Variants in WDR47 observed in about 807,000 individuals in gnomAD.
WDR47 encodes WD repeat domain 47, also known as WD repeat-containing protein 47.
A neutral mutation model predicts 97.2 loss-of-function variants in WDR47; 32 were observed. The observed-to-expected ratio is 0.33, with a 90% CI of 0.25 to 0.44. WDR47 has a LOEUF of 0.44. Ranked by LOEUF, WDR47 falls within the 20% of genes least tolerant of loss-of-function variation. WDR47 has a pLI of 1.00. For synonymous variants in WDR47, 375 were observed against 373.5 expected (o/e 1.00, Z -0.05); for missense variants, 782 against 1,102.3 (o/e 0.71, Z 4.11).
intron 9 of WDR47, among the ~76,000 whole-genome samples, chr1:108,989,798 G>C (rs990548881): frequency 1.3e-5 from 2 of 151,736 alleles, no homozygotes; most frequent in Non-Finnish European, 2.9e-5. Context: ...AGGTTCAAGC[G>C]ATTCTCCTGC....
intron 4 of WDR47, 112 bp downstream of exon 4, chr1:109,013,729 C>T: frequency 9.2e-7 from 1 of 1,087,460 alleles, no homozygotes; most frequent in Non-Finnish European, 1.4e-6. Context: ...TGCCCCATCC[C>T]AGCTCATAAA....
At chr1:108,972,386 ACT>A in intron 14 of WDR47, among the ~76,000 whole-genome samples, 1 of 151,500 alleles carries the variant, frequency 6.6e-6, no homozygotes, top group East Asian at 1.9e-4. Context: ...CTTACAATCT[ACT>A]CTCCCTACAG....
intron 4 of WDR47, 24 bp from the exon 5 acceptor site, chr1:109,011,742 A>G (rs1449500404): frequency 1.3e-6 from 2 of 1,547,854 alleles, no homozygotes; most frequent in Admixed American, 4.2e-5. Context: ...ATAAATGATC[A>G]AATAATCACT....
intron 8 of WDR47, chr1:108,992,207 G>C (rs1479542058): frequency 2.6e-6 from 2 of 771,160 alleles, no homozygotes; most frequent in Non-Finnish European, 4.7e-6. Flanking sequence ...TAGATAATAA[G>C]AAAGACCTCT....
intron 10 of WDR47, among the ~76,000 whole-genome samples, chr1:108,984,508 T>C (rs530884452): frequency 6.6e-6 from 1 of 152,174 alleles, no homozygotes; most frequent in Admixed American, 6.5e-5. Flanking sequence ...TTTTGAGTCT[T>C]TGAAAATGTT....
At chr1:109,029,635 G>A (rs1408836423) in intron 1 of WDR47, among the ~76,000 whole-genome samples, 1 of 151,418 alleles carries the variant, frequency 6.6e-6, no homozygotes, top group Non-Finnish European at 1.5e-5. Flanking sequence ...TTGCGCCACT[G>A]TACTCCAGCC....
intron 2 of WDR47, among the ~76,000 whole-genome samples, chr1:109,021,985 C>A (rs1325061376): frequency 6.7e-6 from 1 of 149,662 alleles, no homozygotes; most frequent in Non-Finnish European, 1.5e-5. Flanking sequence ...GTAGCTGGGA[C>A]TAGAGGCATG....
At chr1:109,012,646 T>C (rs568626425) in intron 4 of WDR47, among the ~76,000 whole-genome samples, 1 of 146,908 alleles carries the variant, frequency 6.8e-6, no homozygotes, top group East Asian at 2.0e-4. Flanking sequence ...CAGACCAAAA[T>C]GGAAGCTTAG....
intron 2 of WDR47, among the ~76,000 whole-genome samples, chr1:109,018,819 A>AC (rs1251642521): frequency 1.3e-5 from 2 of 151,752 alleles, no homozygotes; most frequent in African/African-American, 2.4e-5. Context: ...GTCTCAAAAA[A>AC]ACACACACAA....
At chr1:109,002,551 G>A in intron 6 of WDR47, 149 bp from the exon 7 acceptor site, 1 of 698,166 alleles carries the variant, frequency 1.4e-6, no homozygotes, top group Non-Finnish European at 2.2e-6. Flanking sequence ...TTGAAAAACA[G>A]TATGTGTCTT....
chr1:108,985,534 A>G (rs962908090), intron 10 of WDR47, among the ~76,000 whole-genome samples: 1 of 152,216 alleles, frequency 6.6e-6, no homozygotes, highest in Non-Finnish European at 1.5e-5. Flanking sequence ...TTTGCATTAT[A>G]TCCATCTTCC....
chr1:109,038,129 T>C (rs572139816), intron 1 of WDR47, among the ~76,000 whole-genome samples: 1 of 152,136 alleles, frequency 6.6e-6, no homozygotes, highest in Admixed American at 6.6e-5. Context: ...ATGAGCCACC[T>C]CGCCCAGCCC....
intron 8 of WDR47, chr1:108,992,963 C>G: frequency 2.9e-6 from 2 of 679,728 alleles, no homozygotes; most frequent in East Asian, 5.4e-5. Context: ...CTTAAAAGGG[C>G]CCATGAAATA....
intron 1 of WDR47, among the ~76,000 whole-genome samples, chr1:109,034,527 G>C (rs956089761): frequency 1.3e-5 from 2 of 152,158 alleles, no homozygotes; most frequent in Non-Finnish European, 2.9e-5. Context: ...AGCCTGTTAG[G>C]AACTGAGCTG....
At chr1:109,029,688 TAAATAA>T (rs1242882080) in intron 1 of WDR47, among the ~76,000 whole-genome samples, 1 of 133,444 alleles carries the variant, frequency 7.5e-6, no homozygotes, top group Non-Finnish European at 1.6e-5. Flanking sequence ...AATAAATAAA[TAAATAA>T]ATAAATAAAT....
chr1:109,011,386 A>G lies in WDR47; in HGVS notation c.660T>C (p.Ile220=), dbSNP rs762430694. The G allele has an allele frequency of 1.2e-6, 2 of 1,614,194 alleles. No individual in the cohort carries two copies. Among genetic ancestry groups the G allele is most frequent in the South Asian group, 2.2e-5 (2 of 91,086 alleles). ...FCQSKATGEE[I]TESEVLLGID... ...TGCCAAGAAGCACTTCGCTTTCTGTAATTTCTTCTCCAGTTGCTTTACTCT... is the reference window on the plus strand; with the variant it reads ...TGCCAAGAAGCACTTCGCTTTCTGTGATTTCTTCTCCAGTTGCTTTACTCT... Residue 220 remains isoleucine, a synonymous_variant, in exon 5 of 15, where the codon ATT becomes ATC. Coordinates refer to ENST00000369962, the MANE Select transcript of WDR47 (RefSeq NM_001142551.2).
chr1:109,037,378 C>G (rs1447495949), intron 1 of WDR47, among the ~76,000 whole-genome samples: 1 of 150,938 alleles, frequency 6.6e-6, no homozygotes, highest in Non-Finnish European at 1.5e-5. Context: ...GTGGCTCACG[C>G]TTGTAATCCC....
chr1:108,986,434 C>CACT lies in WDR47; in HGVS notation c.1925+86_1925+88dup, dbSNP rs1428838057. ...GAAGGAAAGAAAGTAAGATTTGAAA[C>CACT]ACTACTGAATGGCAATTCTGAAAAA... is the stretch of plus-strand genomic sequence containing the variant. On this transcript the variant is annotated intron_variant, in intron 10 of 14. Coordinates refer to ENST00000369962, the MANE Select transcript of WDR47 (RefSeq NM_001142551.2). 50 of 1,145,942 alleles carry CACT rather than the reference C, an allele frequency of 4.4e-5. No individual in the cohort carries two copies. In the East Asian group the frequency reaches 1.3e-3, roughly 29 times the overall value. 71.0% of individuals were successfully genotyped at this position (1,145,942 alleles called of 1,614,324 possible).
At chr1:109,006,352 C>T (rs1257993097) in intron 5 of WDR47, among the ~76,000 whole-genome samples, 1 of 145,914 alleles carries the variant, frequency 6.9e-6, no homozygotes, top group Admixed American at 7.2e-5. Context: ...GAGATCGCGC[C>T]ATTGCAGTCC....
Sources: allele counts gnomAD v4.1 joint callset (sites outside exome capture counted in the v4.1 genomes callset), GRCh38; gene constraint gnomAD v4.1.1; transcripts MANE v1.5; gene names NCBI Gene and HGNC (gene_info 2026-07-23, HGNC 2026-07-21).